LRRC4C: variants seen among roughly 807,000 people sequenced by gnomAD.
LRRC4C encodes the protein leucine rich repeat containing 4C, also known as leucine-rich repeat-containing protein 4C.
A neutral mutation model predicts 33.6 loss-of-function variants in LRRC4C; 5 were observed. That is an observed-to-expected ratio of 0.15 (90% CI 0.08 to 0.31). The LOEUF (loss-of-function observed/expected upper bound fraction) is 0.31. Ranked by LOEUF, LRRC4C falls within the 10% of genes least tolerant of loss-of-function variation. The probability of loss-of-function intolerance (pLI) is 1.00; values close to 1 mark genes in which losing one functional copy is unlikely to be tolerated. For missense variants in LRRC4C, 560 were observed against 796.7 expected (o/e 0.70, Z 3.58); for synonymous variants, 329 against 302.0 (o/e 1.09, Z -0.93).
chr11:41,420,157 A>C (rs1954825435), intron 1 of LRRC4C, among the ~76,000 whole-genome samples: 1 of 151,904 alleles, frequency 6.6e-6, no homozygotes, highest in Non-Finnish European at 1.5e-5. Context: ...AATCATAATG[A>C]AGCACTTTTT....
chr11:40,882,129 A>C (rs554081038), intron 2 of LRRC4C, among the ~76,000 whole-genome samples: 6 of 152,196 alleles, frequency 3.9e-5, no homozygotes, highest in African/African-American at 1.4e-4. Flanking sequence ...GCTGCTTTCC[A>C]ATAAAATTTT....
chr11:40,641,068 T>G (rs987903132), intron 3 of LRRC4C, among the ~76,000 whole-genome samples: 1 of 149,632 alleles, frequency 6.7e-6, no homozygotes, highest in Non-Finnish European at 1.5e-5. Flanking sequence ...AACTTGTGCA[T>G]CTCCAAGCCC....
chr11:40,586,262 T>A (rs1958736574), intron 3 of LRRC4C, among the ~76,000 whole-genome samples: 1 of 151,970 alleles, frequency 6.6e-6, no homozygotes, highest in African/African-American at 2.4e-5. Context: ...TTTGGCTGCA[T>A]AAATGTCTTC....
At chr11:41,262,732 A>C (rs906644310) in intron 1 of LRRC4C, among the ~76,000 whole-genome samples, 1 of 152,038 alleles carries the variant, frequency 6.6e-6, no homozygotes, top group African/African-American at 2.4e-5. Flanking sequence ...GGTTTTCTGG[A>C]AATGTTTTTG....
intron 2 of LRRC4C, among the ~76,000 whole-genome samples, chr11:40,650,422 G>A (rs1243549574): frequency 6.6e-6 from 1 of 152,160 alleles, no homozygotes; most frequent in African/African-American, 2.4e-5. Flanking sequence ...AACAAGGAAA[G>A]TAACCTGACA....
chr11:41,018,335 G>C (rs1855733123), intron 1 of LRRC4C, among the ~76,000 whole-genome samples: 1 of 151,952 alleles, frequency 6.6e-6, no homozygotes, highest in Non-Finnish European at 1.5e-5. Flanking sequence ...ATCTTTCTTA[G>C]AGAATTTAAA....
intron 5 of LRRC4C, among the ~76,000 whole-genome samples, chr11:40,161,457 T>C (rs77291834): frequency 1.3e-5 from 2 of 152,310 alleles, no homozygotes; most frequent in African/African-American, 4.8e-5. Flanking sequence ...TAGGAGTTAT[T>C]TGAAAATTAG....
At chr11:40,500,155 G>T (rs1325466143) in intron 3 of LRRC4C, among the ~76,000 whole-genome samples, 1 of 151,856 alleles carries the variant, frequency 6.6e-6, no homozygotes, top group African/African-American at 2.4e-5. Flanking sequence ...CGTAACTGGG[G>T]ATGAGTTACT....
chr11:40,652,867 A>G (rs1942887978), intron 2 of LRRC4C, among the ~76,000 whole-genome samples: 1 of 152,182 alleles, frequency 6.6e-6, no homozygotes, highest in South Asian at 2.1e-4. Context: ...TATAATCCCC[A>G]TAATCCCCAC....
intron 1 of LRRC4C, among the ~76,000 whole-genome samples, chr11:41,142,949 A>G (rs1444942626): frequency 6.6e-6 from 1 of 152,172 alleles, no homozygotes; most frequent in Non-Finnish European, 1.5e-5. Context: ...CATGCTGATT[A>G]TTGGTAGAAT....
chr11:41,221,550 C>T (rs7932103), intron 1 of LRRC4C, among the ~76,000 whole-genome samples: 2 of 151,950 alleles, frequency 1.3e-5, no homozygotes, highest in Non-Finnish European at 2.9e-5. Flanking sequence ...CCATTACTAG[C>T]TATATACCCA....
chr11:40,898,420 G>T (rs7942837), intron 2 of LRRC4C, among the ~76,000 whole-genome samples: 145,681 of 149,186 alleles, frequency 0.98, 71,237 homozygotes, highest in Middle Eastern at 1. Flanking sequence ...AAAGGAGAGT[G>T]AGCAAAATTT....
chr11:41,240,159 G>T (rs961055830), intron 1 of LRRC4C, among the ~76,000 whole-genome samples: 2 of 152,140 alleles, frequency 1.3e-5, no homozygotes, highest in African/African-American at 2.4e-5. Context: ...CAAACAAAAA[G>T]GGAAAATGGA....
chr11:41,351,222 G>GAC (rs1224553862), intron 1 of LRRC4C, among the ~76,000 whole-genome samples: 2 of 140,188 alleles, frequency 1.4e-5, no homozygotes, highest in Non-Finnish European at 3.1e-5. Context: ...GGGTGAGTGA[G>GAC]ACACACACAC....
intron 4 of LRRC4C, among the ~76,000 whole-genome samples, chr11:40,284,901 G>A (rs573287243): frequency 6.9e-4 from 105 of 152,210 alleles, no homozygotes; most frequent in African/African-American, 2.4e-3. Flanking sequence ...AGGCTTGTAG[G>A]AGACTCAGGT....
chr11:40,279,563 T>C (rs1232262124), intron 4 of LRRC4C, among the ~76,000 whole-genome samples: 1 of 152,212 alleles, frequency 6.6e-6, no homozygotes, highest in African/African-American at 2.4e-5. Context: ...GCTTGAGTAT[T>C]TCCATGTGCC....
intron 3 of LRRC4C, among the ~76,000 whole-genome samples, chr11:40,402,340 G>A (rs988628793): frequency 1.3e-5 from 2 of 151,992 alleles, no homozygotes; most frequent in South Asian, 4.2e-4. Context: ...TTTGGTATTT[G>A]TTGTTTTCAA....
intron 1 of LRRC4C, among the ~76,000 whole-genome samples, chr11:41,259,489 C>A (rs534832693): frequency 1.4e-4 from 21 of 151,910 alleles, no homozygotes; most frequent in Non-Finnish European, 2.9e-4. Flanking sequence ...TTAAGGAATA[C>A]AAGTATTCCT....
chr11:40,542,442 C>T (rs1335861897), intron 3 of LRRC4C, among the ~76,000 whole-genome samples: 1 of 152,100 alleles, frequency 6.6e-6, no homozygotes, highest in Admixed American at 6.6e-5. Context: ...GACATTTCCT[C>T]TTACTATGAT....
Sources: allele counts gnomAD v4.1 joint callset (sites outside exome capture counted in the v4.1 genomes callset), GRCh38; gene constraint gnomAD v4.1.1; transcripts MANE v1.5; gene names NCBI Gene and HGNC (gene_info 2026-07-23, HGNC 2026-07-21).